Variants in RSPO2 observed in about 807,000 individuals in gnomAD.
RSPO2 encodes the protein R-spondin-2.
A neutral mutation model predicts 30.9 loss-of-function variants in RSPO2; 14 were observed. The observed-to-expected ratio is 0.45, with a 90% CI of 0.30 to 0.71. The LOEUF is 0.71. Ranked by LOEUF, RSPO2 falls within the 30% of genes least tolerant of loss-of-function variation. The pLI, the probability that RSPO2 is intolerant of heterozygous loss-of-function variation, is 0.08. For synonymous variants in RSPO2, 107 were observed against 96.4 expected (o/e 1.11, Z -0.64); for missense variants, 264 against 301.9 (o/e 0.87, Z 0.93).
At chr8:107,925,902 T>G (rs1007892096) in intron 5 of RSPO2, among the ~76,000 whole-genome samples, 2 of 152,140 alleles carry the variant, frequency 1.3e-5, no homozygotes, top group African/African-American at 4.8e-5. Flanking sequence ...TGATTTATAT[T>G]CCTTTGGGTA....
chr8:108,076,466 G>A (rs1322227047), intron 2 of RSPO2, among the ~76,000 whole-genome samples: 4 of 152,174 alleles, frequency 2.6e-5, no homozygotes, highest in African/African-American at 4.8e-5. Flanking sequence ...GAGAGCCTGA[G>A]CTAGGAAATA....
chr8:108,071,452 C>A (rs548896680), intron 2 of RSPO2, among the ~76,000 whole-genome samples: 5 of 152,280 alleles, frequency 3.3e-5, no homozygotes, highest in African/African-American at 9.6e-5. Flanking sequence ...ATTTATCAGA[C>A]ACCAGTGGTT....
chr8:108,057,354 G>A (rs1385882512), intron 2 of RSPO2, among the ~76,000 whole-genome samples: 1 of 152,132 alleles, frequency 6.6e-6, no homozygotes, highest in East Asian at 1.9e-4. Flanking sequence ...CCACTGAGTA[G>A]AAAGGTTATT....
intron 5 of RSPO2, among the ~76,000 whole-genome samples, chr8:107,923,667 C>T (rs973658225): frequency 6.6e-6 from 1 of 152,118 alleles, no homozygotes; most frequent in African/African-American, 2.4e-5. Flanking sequence ...TGGAATCACC[C>T]AAGATGCCCA....
intron 2 of RSPO2, among the ~76,000 whole-genome samples, chr8:108,060,791 C>T (rs977472133): frequency 2.6e-5 from 4 of 151,736 alleles, no homozygotes; most frequent in Non-Finnish European, 5.9e-5. Context: ...AGAGAAAGGT[C>T]GGGTTACCCT....
intron 2 of RSPO2, among the ~76,000 whole-genome samples, chr8:108,063,381 C>A (rs1038456288): frequency 1.3e-5 from 2 of 151,774 alleles, no homozygotes; most frequent in African/African-American, 4.9e-5. Context: ...TTCTTATACA[C>A]CAATAACAGA....
intron 2 of RSPO2, among the ~76,000 whole-genome samples, chr8:108,041,203 CAAAAAAA>C (rs55937336): frequency 4.0e-5 from 4 of 100,386 alleles, no homozygotes; most frequent in African/African-American, 7.6e-5. Flanking sequence ...CAAAAAGTGG[CAAAAAAA>C]AAAAAAAAAA....
chr8:107,952,388 A>G (rs1813283471), intron 5 of RSPO2, among the ~76,000 whole-genome samples: 1 of 152,170 alleles, frequency 6.6e-6, no homozygotes, highest in Non-Finnish European at 1.5e-5. Context: ...AAAATGACTA[A>G]CACAAATCAT....
At chr8:107,933,772 C>T (rs1422199711) in intron 5 of RSPO2, among the ~76,000 whole-genome samples, 2 of 152,126 alleles carry the variant, frequency 1.3e-5, no homozygotes, top group African/African-American at 4.8e-5. Flanking sequence ...TTTAGTATAA[C>T]TTTGGACTTA....
chr8:108,073,223 T>C (rs184381152), intron 2 of RSPO2: 11 of 152,356 alleles, frequency 7.2e-5, no homozygotes, highest in African/African-American at 2.2e-4. Context: ...ATGACCACAG[T>C]GTCCATGGGG....
intron 2 of RSPO2, among the ~76,000 whole-genome samples, chr8:107,996,039 T>C (rs1455581367): frequency 6.6e-6 from 1 of 152,146 alleles, no homozygotes; most frequent in African/African-American, 2.4e-5. Flanking sequence ...CTTAGTATCC[T>C]GAGTAGGGTG....
intron 2 of RSPO2, among the ~76,000 whole-genome samples, chr8:108,013,528 G>A (rs1409464503): frequency 6.6e-6 from 1 of 152,176 alleles, no homozygotes; most frequent in Non-Finnish European, 1.5e-5. Flanking sequence ...ACAGAACAGA[G>A]GCCTCAGAAA....
Position 107,908,158 on chromosome 8 carries a change from C to T in RSPO2, c.617-6968G>A, listed in dbSNP as rs566725764. Reference sequence around the variant, plus strand: ...TTCTCAGAAATTCCTCATTTTACAGCTCTGAAGAAAATCTGTTCTTCGAGT... The same window carrying T: ...TTCTCAGAAATTCCTCATTTTACAGTTCTGAAGAAAATCTGTTCTTCGAGT... On this transcript the variant is annotated intron_variant, in intron 5 of 5. Coordinates refer to ENST00000276659, the MANE Select transcript of RSPO2 (RefSeq NM_178565.5). Among the ~76,000 whole-genome samples, 16 of 152,232 alleles carry T rather than the reference C, an allele frequency of 1.1e-4. 1 individual carries two copies. In the South Asian group the frequency reaches 3.1e-3, roughly 30 times the overall value.
At chr8:107,931,433 G>T (rs939904369) in intron 5 of RSPO2, among the ~76,000 whole-genome samples, 1 of 152,014 alleles carries the variant, frequency 6.6e-6, no homozygotes, top group Admixed American at 6.6e-5. Context: ...ACACATGATT[G>T]TTATCACTAC....
intron 2 of RSPO2, among the ~76,000 whole-genome samples, chr8:108,060,222 G>T (rs553147181): frequency 6.6e-6 from 1 of 151,600 alleles, no homozygotes; most frequent in Non-Finnish European, 1.5e-5. Flanking sequence ...GGCTTCAGAC[G>T]ATCAAACTTC....
At chr8:108,060,937 C>A (rs1018984028) in intron 2 of RSPO2, among the ~76,000 whole-genome samples, 1 of 151,668 alleles carries the variant, frequency 6.6e-6, no homozygotes, top group African/African-American at 2.4e-5. Context: ...CCAAACTAAG[C>A]TTCATAAGTG....
At position 108,023,683 on chromosome 8, in the gene RSPO2, T is replaced by C. The variant is rs117099961; in HGVS notation, c.95-34439A>G. Among the ~76,000 whole-genome samples, 562 of 152,280 alleles carry C rather than the reference T, an allele frequency of 3.7e-3. 2 individuals carry two copies. Among genetic ancestry groups the C allele is most frequent in the Non-Finnish European group, 6.1e-3 (415 of 68,026 alleles). ...TAATATATATGGCTCTACTCATAAATAGGACACTCTGTTATGGCCACAGGT... is the reference window on the plus strand; with the variant it reads ...TAATATATATGGCTCTACTCATAAACAGGACACTCTGTTATGGCCACAGGT... On this transcript the variant is annotated intron_variant, in intron 2 of 5. Coordinates refer to ENST00000276659, the MANE Select transcript of RSPO2 (RefSeq NM_178565.5).
intron 3 of RSPO2, among the ~76,000 whole-genome samples, chr8:107,967,478 T>C (rs957526845): frequency 2.0e-5 from 3 of 152,164 alleles, no homozygotes; most frequent in African/African-American, 7.2e-5. Flanking sequence ...TTACATTTTT[T>C]TGTAATACAG....
chr8:108,065,346 C>G (rs2099675357), intron 2 of RSPO2, among the ~76,000 whole-genome samples: 1 of 148,686 alleles, frequency 6.7e-6, no homozygotes, highest in African/African-American at 2.5e-5. Flanking sequence ...AAGAAAAGCA[C>G]ACACCTCCAG....
Sources: allele counts gnomAD v4.1 joint callset (sites outside exome capture counted in the v4.1 genomes callset), GRCh38; gene constraint gnomAD v4.1.1; transcripts MANE v1.5; gene names NCBI Gene and HGNC (gene_info 2026-07-23, HGNC 2026-07-21).